The following CDH20 variants were observed in gnomAD, a reference collection of about 807,000 sequenced individuals.
The protein encoded by CDH20 is cadherin 20.
Under a neutral mutation model 74.2 loss-of-function variants are expected in CDH20, and 29 were observed. The ratio of observed to expected loss-of-function variants is 0.39; its 90% CI spans 0.29 to 0.53. CDH20 has a LOEUF of 0.53. CDH20 is among the 20% of genes least tolerant of loss of function. The pLI is 0.69. For missense variants in CDH20, 988 were observed against 1,048.3 expected (o/e 0.94, Z 0.79); for synonymous variants, 469 against 405.4 (o/e 1.16, Z -1.88).
chr18:61,365,815 A>T (rs1568112344), intron 1 of CDH20, among the ~76,000 whole-genome samples: 1 of 152,186 alleles, frequency 6.6e-6, no homozygotes, highest in African/African-American at 2.4e-5. Flanking sequence ...AGTTCTTTGC[A>T]GTGTGATACA....
At chr18:61,466,632 C>A (rs1909971918) in intron 1 of CDH20, among the ~76,000 whole-genome samples, 1 of 152,182 alleles carries the variant, frequency 6.6e-6, no homozygotes, top group Non-Finnish European at 1.5e-5. Context: ...AACTTGAGGC[C>A]AGCTTCCCAT....
intron 6 of CDH20, among the ~76,000 whole-genome samples, chr18:61,527,392 T>C (rs879314493): frequency 2.4e-5 from 1 of 41,348 alleles, no homozygotes; most frequent in Non-Finnish European, 7.2e-5. Flanking sequence ...GATAGATAGA[T>C]AGATAGATAG....
chr18:61,398,297 T>A (rs1034301629), intron 1 of CDH20, among the ~76,000 whole-genome samples: 16 of 152,202 alleles, frequency 1.1e-4, no homozygotes, highest in African/African-American at 3.6e-4. Context: ...TTGTTTCTAA[T>A]CATCCTATAA....
intron 1 of CDH20, among the ~76,000 whole-genome samples, chr18:61,439,971 G>A (rs1908972195): frequency 6.6e-6 from 1 of 152,100 alleles, no homozygotes; most frequent in Non-Finnish European, 1.5e-5. Flanking sequence ...GGGTTATTTT[G>A]GCTTTTTCTA....
chr18:61,441,322 TA>T (rs1352418977), intron 1 of CDH20, among the ~76,000 whole-genome samples: 1 of 152,216 alleles, frequency 6.6e-6, no homozygotes, highest in East Asian at 1.9e-4. Context: ...TATAAATTTC[TA>T]AATCCTTTTC....
At chr18:61,475,278 A>G (rs2535357) in intron 1 of CDH20, among the ~76,000 whole-genome samples, 83,059 of 152,050 alleles carry the variant, frequency 0.55, 23,556 homozygotes, top group African/African-American at 0.7. Context: ...AGCCAGATAT[A>G]GGGGTGTGAA....
At chr18:61,482,669 AT>A (rs1910628287) in intron 1 of CDH20, among the ~76,000 whole-genome samples, 1 of 151,788 alleles carries the variant, frequency 6.6e-6, no homozygotes, top group African/African-American at 2.4e-5. Flanking sequence ...ACATATATAT[AT>A]TTTAAATAGA....
intron 1 of CDH20, among the ~76,000 whole-genome samples, chr18:61,358,509 T>C (rs1161557026): frequency 6.6e-6 from 1 of 152,172 alleles, no homozygotes; most frequent in African/African-American, 2.4e-5. Flanking sequence ...CTTGTATTTA[T>C]ATACGTAATG....
At chr18:61,475,452 G>T (rs55950833) in intron 1 of CDH20, among the ~76,000 whole-genome samples, 6,224 of 152,200 alleles carry the variant, frequency 0.041, 233 homozygotes, top group East Asian at 0.12. Context: ...ATCTTACATT[G>T]TTCAATGAGT....
At chr18:61,383,146 AG>A (rs1911487942) in intron 1 of CDH20, among the ~76,000 whole-genome samples, 1 of 152,234 alleles carries the variant, frequency 6.6e-6, no homozygotes, top group Non-Finnish European at 1.5e-5. Flanking sequence ...TGACCACAAA[AG>A]CACTTACTTA....
At chr18:61,534,213 G>A (rs1284314878) in intron 7 of CDH20, among the ~76,000 whole-genome samples, 1 of 152,192 alleles carries the variant, frequency 6.6e-6, no homozygotes, top group Non-Finnish European at 1.5e-5. Flanking sequence ...TAGAACGTCT[G>A]TTGTCAAAAA....
At chr18:61,456,646 T>C (rs1024949923) in intron 1 of CDH20, among the ~76,000 whole-genome samples, 4 of 151,796 alleles carry the variant, frequency 2.6e-5, no homozygotes, top group African/African-American at 4.8e-5. Context: ...AAACACTTTA[T>C]CTTAAAAAAA....
chr18:61,443,362 C>A (rs1909094205), intron 1 of CDH20, among the ~76,000 whole-genome samples: 1 of 152,142 alleles, frequency 6.6e-6, no homozygotes, highest in Admixed American at 6.5e-5. Flanking sequence ...GGAATCTCTA[C>A]ATATCAACTG....
At chr18:61,466,557 A>G (rs1909968999) in intron 1 of CDH20, among the ~76,000 whole-genome samples, 1 of 152,174 alleles carries the variant, frequency 6.6e-6, no homozygotes, top group Non-Finnish European at 1.5e-5. Flanking sequence ...GTTCGAAACA[A>G]TCTAGGGGAC....
chr18:61,555,355 G>T lies in CDH20; in HGVS notation c.*660G>T. The T allele has an allele frequency of 1.0e-6, 1 of 985,470 alleles. No homozygotes were observed. The highest frequency in any genetic ancestry group is 1.2e-6 in the Non-Finnish European group (1 of 830,018). 61.0% of individuals were successfully genotyped at this position (985,470 alleles called of 1,614,324 possible). A position where few individuals can be genotyped will look rare whatever the true frequency, so the allele number is the denominator to read the frequency against. ...TTAGTGGCTGAACCAAGAGATGTTG[G>T]CATTACAGCTCATCCAACGCCATCA... On this transcript the variant is annotated 3_prime_UTR_variant, in exon 12 of 12. Coordinates refer to ENST00000262717, the MANE Select transcript of CDH20 (RefSeq NM_031891.4).
At chr18:61,414,206 C>T (rs1051550810) in intron 1 of CDH20, among the ~76,000 whole-genome samples, 2 of 152,008 alleles carry the variant, frequency 1.3e-5, no homozygotes, top group African/African-American at 4.8e-5. Flanking sequence ...CAGTGGGAAG[C>T]CAGACAAGTA....
intron 1 of CDH20, among the ~76,000 whole-genome samples, chr18:61,355,679 C>G (rs76629366): frequency 0.015 from 2,342 of 152,046 alleles, 26 homozygotes; most frequent in Middle Eastern, 0.058. Context: ...TAAATATAAA[C>G]AAAAACAAGT....
At chr18:61,533,389 T>A (rs142912326) in intron 7 of CDH20, among the ~76,000 whole-genome samples, 1 of 152,178 alleles carries the variant, frequency 6.6e-6, no homozygotes, top group Non-Finnish European at 1.5e-5. Context: ...CTCCCAGAGA[T>A]GTTGGAAAAA....
At chr18:61,434,534 G>C (rs144791237) in intron 1 of CDH20, among the ~76,000 whole-genome samples, 12 of 152,234 alleles carry the variant, frequency 7.9e-5, no homozygotes, top group African/African-American at 2.9e-4. Flanking sequence ...GATTCTTACA[G>C]ATAGGGAAAC....
Sources: gnomAD v4.1 joint callset for allele counts (sites outside exome capture counted in the v4.1 genomes callset) on GRCh38, gnomAD v4.1.1 for gene constraint, MANE v1.5 for transcripts, NCBI Gene and HGNC (gene_info 2026-07-23, HGNC 2026-07-21) for gene names.